The following MND1 variants were observed in gnomAD, a reference collection of about 807,000 sequenced individuals.
MND1 encodes meiotic nuclear divisions 1.
Under a neutral mutation model 35.1 loss-of-function variants are expected in MND1, and 28 were observed. The observed-to-expected ratio is 0.80, with a 90% CI of 0.59 to 1.09. MND1 has a LOEUF of 1.09. Among genes scored for constraint, MND1 ranks in the 50% least tolerant of loss-of-function variants. The probability of loss-of-function intolerance (pLI) is 0.00; values close to 1 mark genes in which losing one functional copy is unlikely to be tolerated. For missense variants in MND1, 213 were observed against 239.6 expected (o/e 0.89, Z 0.73); for synonymous variants, 69 against 70.5 (o/e 0.98, Z 0.11).
At chr4:153,409,052 A>G in intron 7 of MND1, 37 bp downstream of exon 7, 1 of 1,263,910 alleles carries the variant, frequency 7.9e-7, no homozygotes, top group Non-Finnish European at 1.0e-6. Flanking sequence ...CTATAGCTAA[A>G]TTCCCTTCAC....
At chr4:153,383,016 T>C (rs530018085) in intron 4 of MND1, among the ~76,000 whole-genome samples, 2 of 152,212 alleles carry the variant, frequency 1.3e-5, no homozygotes, top group Admixed American at 1.3e-4. Context: ...CAATTCCATA[T>C]GTGAAAATAA....
chr4:153,376,582 T>C (rs1327080114), intron 4 of MND1, among the ~76,000 whole-genome samples: 1 of 152,212 alleles, frequency 6.6e-6, no homozygotes, highest in East Asian at 1.9e-4. Flanking sequence ...GTAACTGTTA[T>C]GTTTAACCTG....
chr4:153,391,727 TACAC>T (rs71598272), intron 4 of MND1, among the ~76,000 whole-genome samples: 20 of 142,372 alleles, frequency 1.4e-4, no homozygotes, highest in Non-Finnish European at 2.4e-4. Context: ...AACTCCATCA[TACAC>T]ACACACACAC....
intron 2 of MND1, 73 bp from the exon 3 acceptor site, chr4:153,355,581 T>C (rs1773319605): frequency 4.2e-6 from 4 of 957,694 alleles, no homozygotes; most frequent in Non-Finnish European, 4.9e-6. Context: ...ATAATAAAAA[T>C]TTTTAAAAAT....
chr4:153,355,873 C>T (rs1487285834), intron 3 of MND1, 162 bp downstream of exon 3: 1 of 579,968 alleles, frequency 1.7e-6, no homozygotes, highest in African/African-American at 1.9e-5. Context: ...AAGATAACCA[C>T]TGTCATGTTG....
chr4:153,382,838 G>A (rs1375146294), intron 4 of MND1, among the ~76,000 whole-genome samples: 1 of 152,070 alleles, frequency 6.6e-6, no homozygotes, highest in Non-Finnish European at 1.5e-5. Context: ...TTTCAATGGT[G>A]GACAATCTTA....
chr4:153,402,350 A>G (rs1424317014), intron 6 of MND1, among the ~76,000 whole-genome samples: 5 of 152,212 alleles, frequency 3.3e-5, no homozygotes, highest in Admixed American at 3.3e-4. Context: ...TTAGAAATAA[A>G]TGCCAGGATG....
chr4:153,370,457 A>T (rs1043231282), intron 4 of MND1, among the ~76,000 whole-genome samples: 5 of 151,994 alleles, frequency 3.3e-5, no homozygotes, highest in Non-Finnish European at 1.5e-5. Flanking sequence ...GGCTGGAATC[A>T]ACTTCTTCCA....
At chr4:153,372,976 A>G (rs978117641) in intron 4 of MND1, among the ~76,000 whole-genome samples, 2 of 151,554 alleles carry the variant, frequency 1.3e-5, no homozygotes, top group Non-Finnish European at 2.9e-5. Context: ...CTGGTGTTAC[A>G]TAGGAACTCT....
intron 4 of MND1, among the ~76,000 whole-genome samples, chr4:153,377,268 T>C (rs1728536993): frequency 6.6e-6 from 1 of 152,206 alleles, no homozygotes. Flanking sequence ...TAACAGATAT[T>C]CTTAGGACAA....
rs143330479 is a variant in MND1 at position 153,391,683 on chromosome 4, C to T, written c.277-2579C>T. 4.3e-3 allele frequency among the ~76,000 whole-genome samples: 642 copies of T among 149,506 alleles called. 7 individuals carry two copies. Among genetic ancestry groups the T allele is most frequent in the African/African-American group, 0.015 (611 of 39,972 alleles). On this transcript the variant is annotated intron_variant, in intron 4 of 7. Coordinates refer to ENST00000240488, the MANE Select transcript of MND1 (RefSeq NM_032117.4). ...CGGAGGTTACAGTGAGCCAAGATTGCGCCATTGCACTCCAGCCTGGGCAAG... is the reference window on the plus strand; with the variant it reads ...CGGAGGTTACAGTGAGCCAAGATTGTGCCATTGCACTCCAGCCTGGGCAAG...
chr4:153,404,955 G>A (rs771575028), intron 6 of MND1, among the ~76,000 whole-genome samples: 2 of 151,488 alleles, frequency 1.3e-5, no homozygotes, highest in Non-Finnish European at 2.9e-5. Context: ...GACTGGTCTC[G>A]AACTCCTGGG....
At chr4:153,365,579 GCCT>G (rs1478211980) in intron 4 of MND1, among the ~76,000 whole-genome samples, 3 of 152,026 alleles carry the variant, frequency 2.0e-5, no homozygotes, top group Admixed American at 6.5e-5. Context: ...GAAAGAGAAG[GCCT>G]CAGAAAAGAG....
intron 6 of MND1, among the ~76,000 whole-genome samples, chr4:153,403,632 T>C (rs1729404893): frequency 6.6e-6 from 1 of 152,230 alleles, no homozygotes; most frequent in African/African-American, 2.4e-5. Flanking sequence ...AATCTTGCTC[T>C]GTAACCCAAG....
intron 4 of MND1, among the ~76,000 whole-genome samples, chr4:153,379,842 T>C (rs1579925950): frequency 1.1e-5 from 1 of 89,634 alleles, no homozygotes; most frequent in Admixed American, 1.7e-4. Context: ...AGAGCAAGAC[T>C]CCATCTCAAA....
At chr4:153,358,416 C>T (rs1427701230) in intron 3 of MND1, 58 bp from the exon 4 acceptor site, 2 of 1,398,794 alleles carry the variant, frequency 1.4e-6, no homozygotes, top group African/African-American at 1.5e-5. Flanking sequence ...AGTTATTTGT[C>T]CTTTAATTTT....
At chr4:153,359,005 G>C (rs1773414344) in intron 4 of MND1, among the ~76,000 whole-genome samples, 1 of 152,064 alleles carries the variant, frequency 6.6e-6, no homozygotes, top group African/African-American at 2.4e-5. Context: ...TCCTATACTA[G>C]TGTAATATGT....
At chr4:153,348,727 T>C (rs111923589) in intron 1 of MND1, among the ~76,000 whole-genome samples, 1 of 152,018 alleles carries the variant, frequency 6.6e-6, no homozygotes, top group Non-Finnish European at 1.5e-5. Flanking sequence ...CCCAGGCTGG[T>C]CTCAAACTCC....
At chr4:153,382,460 C>G (rs577473907) in intron 4 of MND1, among the ~76,000 whole-genome samples, 1 of 152,176 alleles carries the variant, frequency 6.6e-6, no homozygotes, top group Non-Finnish European at 1.5e-5. Flanking sequence ...ATTACTTTGC[C>G]CTTTTAATTT....
Sources: gnomAD v4.1 joint callset for allele counts (sites outside exome capture counted in the v4.1 genomes callset) on GRCh38, gnomAD v4.1.1 for gene constraint, MANE v1.5 for transcripts, NCBI Gene and HGNC (gene_info 2026-07-23, HGNC 2026-07-21) for gene names.